Variants in GRM5 observed in about 807,000 individuals in gnomAD.
GRM5 encodes glutamate metabotropic receptor 5, also known as metabotropic glutamate receptor 5.
In GRM5, 19 loss-of-function variants were observed where a neutral mutation model predicts 83.1. That is an observed-to-expected ratio of 0.23 (90% CI 0.16 to 0.34). The LOEUF is 0.34. Among genes scored for constraint, GRM5 ranks in the 10% least tolerant of loss-of-function variants. The pLI is 1.00. For synonymous variants in GRM5, 675 were observed against 633.6 expected (o/e 1.07, Z -0.98); for missense variants, 1,160 against 1,588.3 (o/e 0.73, Z 4.58).
chr11:88,868,452 C>T (rs930772831), intron 2 of GRM5, among the ~76,000 whole-genome samples: 6 of 151,592 alleles, frequency 4.0e-5, no homozygotes, highest in African/African-American at 1.5e-4. Flanking sequence ...TATATCAGAG[C>T]CTGACATATA....
At chr11:88,739,742 A>G (rs1201346673) in intron 3 of GRM5, among the ~76,000 whole-genome samples, 2 of 152,054 alleles carry the variant, frequency 1.3e-5, no homozygotes, top group African/African-American at 2.4e-5. Context: ...TTCTACTTAC[A>G]TCATGATTGT....
chr11:89,032,813 A>G (rs148567619), intron 2 of GRM5, among the ~76,000 whole-genome samples: 2,371 of 152,072 alleles, frequency 0.016, 60 homozygotes, highest in African/African-American at 0.053. Context: ...CTTGATGACT[A>G]CTCAGAGCTC....
At chr11:88,844,401 T>TATATAC (rs902652594) in intron 3 of GRM5, among the ~76,000 whole-genome samples, 1 of 151,508 alleles carries the variant, frequency 6.6e-6, no homozygotes, top group African/African-American at 2.4e-5. Flanking sequence ...TATATATATA[T>TATATAC]ACAAAAATCC....
chr11:88,836,172 T>C (rs1475747027), intron 3 of GRM5, among the ~76,000 whole-genome samples: 1 of 152,178 alleles, frequency 6.6e-6, no homozygotes, highest in East Asian at 1.9e-4. Flanking sequence ...GAAGCAAACC[T>C]CTCCTGTAAA....
At chr11:88,977,574 T>C (rs1939382943) in intron 2 of GRM5, among the ~76,000 whole-genome samples, 1 of 152,218 alleles carries the variant, frequency 6.6e-6, no homozygotes, top group Admixed American at 6.5e-5. Flanking sequence ...TTCCAAAGTA[T>C]TATCTACTTG....
chr11:88,608,514 ATTTT>A (rs35701224), intron 4 of GRM5, among the ~76,000 whole-genome samples: 8 of 98,616 alleles, frequency 8.1e-5, no homozygotes, highest in East Asian at 2.9e-4. Flanking sequence ...GAAAACAGGG[ATTTT>A]TTTTTTTTTT....
chr11:89,045,689 T>C (rs1217979012), intron 2 of GRM5, among the ~76,000 whole-genome samples: 2 of 152,140 alleles, frequency 1.3e-5, no homozygotes, highest in Non-Finnish European at 1.5e-5. Flanking sequence ...GGGGCACAAT[T>C]GAATTAGCAC....
At chr11:89,012,721 A>G (rs1940738332) in intron 2 of GRM5, among the ~76,000 whole-genome samples, 2 of 152,204 alleles carry the variant, frequency 1.3e-5, no homozygotes. Flanking sequence ...AAGGCCCTAC[A>G]TTGACCAAAC....
chr11:88,807,340 T>C (rs1359556170), intron 3 of GRM5, among the ~76,000 whole-genome samples: 1 of 152,174 alleles, frequency 6.6e-6, no homozygotes, highest in African/African-American at 2.4e-5. Flanking sequence ...AAACCTATAC[T>C]AGACTCAACT....
chr11:88,903,451 G>A (rs1268725293), intron 2 of GRM5, among the ~76,000 whole-genome samples: 2 of 152,164 alleles, frequency 1.3e-5, no homozygotes, highest in Non-Finnish European at 2.9e-5. Flanking sequence ...GCTCGCATAT[G>A]TTTATCACAG....
intron 2 of GRM5, among the ~76,000 whole-genome samples, chr11:88,954,167 T>C (rs1317558726): frequency 6.6e-6 from 1 of 152,200 alleles, no homozygotes; most frequent in Non-Finnish European, 1.5e-5. Flanking sequence ...TTCTTCCCAG[T>C]GGAAGAGTTG....
At chr11:88,803,142 A>AT (rs1157234271) in intron 3 of GRM5, among the ~76,000 whole-genome samples, 1 of 150,150 alleles carries the variant, frequency 6.7e-6, no homozygotes, top group Non-Finnish European at 1.5e-5. Flanking sequence ...TGCCATCCCC[A>AT]TCAAGCTACC....
intron 2 of GRM5, among the ~76,000 whole-genome samples, chr11:88,863,652 A>AC (rs1429443321): frequency 8.0e-6 from 1 of 125,642 alleles, no homozygotes; most frequent in Non-Finnish European, 1.7e-5. Flanking sequence ...CCTAAAGAGC[A>AC]TAAAAAACTG....
At chr11:88,629,150 G>A (rs12280577) in intron 4 of GRM5, among the ~76,000 whole-genome samples, 5,289 of 152,250 alleles carry the variant, frequency 0.035, 298 homozygotes, top group African/African-American at 0.12. Context: ...GGATCTGATG[G>A]TTATTATTCT....
chr11:88,620,218 C>T (rs1411137162), intron 4 of GRM5, among the ~76,000 whole-genome samples: 1 of 152,216 alleles, frequency 6.6e-6, no homozygotes, highest in Admixed American at 6.5e-5. Flanking sequence ...TGAAGGCTAA[C>T]ATTTGTCATG....
chr11:88,644,541 A>G (rs1939387336), intron 4 of GRM5, among the ~76,000 whole-genome samples: 2 of 152,178 alleles, frequency 1.3e-5, no homozygotes. Flanking sequence ...GATGTAATAC[A>G]GCAAGAAAAA....
intron 3 of GRM5, among the ~76,000 whole-genome samples, chr11:88,750,585 C>T (rs190295263): frequency 6.6e-6 from 1 of 152,196 alleles, no homozygotes; most frequent in East Asian, 1.9e-4. Context: ...TCAAGTGGCC[C>T]TGATAGATAT....
At chr11:88,833,462 A>AT (rs200419247) in intron 3 of GRM5, among the ~76,000 whole-genome samples, 3,866 of 152,236 alleles carry the variant, frequency 0.025, 172 homozygotes, top group African/African-American at 0.089. Flanking sequence ...AATGGCTATT[A>AT]TTAAAAAGAC....
intron 3 of GRM5, among the ~76,000 whole-genome samples, chr11:88,795,358 T>C (rs1207745935): frequency 6.6e-6 from 1 of 152,166 alleles, no homozygotes; most frequent in Admixed American, 6.5e-5. Flanking sequence ...GAGCCAGTGT[T>C]GTGACTACCT....
Sources: gnomAD v4.1 joint callset for allele counts (sites outside exome capture counted in the v4.1 genomes callset) on GRCh38, gnomAD v4.1.1 for gene constraint, MANE v1.5 for transcripts, NCBI Gene and HGNC (gene_info 2026-07-23, HGNC 2026-07-21) for gene names.